ABLIM1: variants seen among roughly 807,000 people sequenced by gnomAD.
The protein encoded by ABLIM1 is actin-binding LIM protein 1.
In ABLIM1, 40 loss-of-function variants were observed where a neutral mutation model predicts 107.0. The observed-to-expected ratio is 0.37, with a 90% CI of 0.29 to 0.49. The LOEUF (loss-of-function observed/expected upper bound fraction) is 0.49, where lower values mean the gene tolerates loss of function less well. Ranked by LOEUF, ABLIM1 falls within the 20% of genes least tolerant of loss-of-function variation. The pLI is 0.97. For synonymous variants in ABLIM1, 357 were observed against 357.3 expected (o/e 1.00, Z 0.01); for missense variants, 857 against 1,008.5 (o/e 0.85, Z 2.04).
intron 1 of ABLIM1, among the ~76,000 whole-genome samples, chr10:114,614,447 TA>T (rs773226279): frequency 6.6e-6 from 1 of 152,046 alleles, no homozygotes; most frequent in Non-Finnish European, 1.5e-5. Context: ...TCCTCCCCAC[TA>T]AAGTATTAGA....
chr10:114,671,655 A>G (rs1275345228), intron 1 of ABLIM1, among the ~76,000 whole-genome samples: 1 of 152,194 alleles, frequency 6.6e-6, no homozygotes, highest in Non-Finnish European at 1.5e-5. Context: ...AATTTTACCC[A>G]TGCTGATAGA....
intron 12 of ABLIM1, chr10:114,462,931 C>T (rs1291868023): frequency 1.7e-6 from 2 of 1,170,734 alleles, no homozygotes; most frequent in African/African-American, 3.2e-5. Context: ...CGCAGGCATG[C>T]TGAGAGCTCA....
At chr10:114,517,447 A>G (rs546143243) in intron 6 of ABLIM1, among the ~76,000 whole-genome samples, 23 of 152,212 alleles carry the variant, frequency 1.5e-4, no homozygotes, top group Middle Eastern at 3.4e-3. Context: ...GAGCCCCCAG[A>G]AGAACCCCCA....
chr10:114,711,464 C>T lies in ABLIM1; in HGVS notation c.-213+56597G>A, dbSNP rs1398014222. On this transcript the variant is annotated intron_variant, in intron 1 of 15. Coordinates refer to the ABLIM1 transcript ENST00000651092. ...ATGATAGACCCAAATCTCACAGTCA[C>T]AGACACCACTCTAACACCAGGCGTG... Among the ~76,000 whole-genome samples the T allele has an allele frequency of 2.6e-5, 4 of 152,218 alleles. No homozygotes were observed. In the East Asian group the frequency reaches 5.8e-4, roughly 22 times the overall value.
intron 6 of ABLIM1, among the ~76,000 whole-genome samples, chr10:114,518,036 T>C (rs575454101): frequency 3.9e-5 from 6 of 152,240 alleles, no homozygotes; most frequent in South Asian, 4.2e-4. Context: ...TATGTGGTCA[T>C]TAAAAAGAAT....
chr10:114,637,035 TA>T (rs3061732), intron 1 of ABLIM1, among the ~76,000 whole-genome samples: 44,146 of 103,508 alleles, frequency 0.43, 9,030 homozygotes, highest in Non-Finnish European at 0.47. Flanking sequence ...GCTGTCTCTT[TA>T]AAAAAAAAAA....
At chr10:114,700,101 T>C (rs950044752) in intron 1 of ABLIM1, among the ~76,000 whole-genome samples, 1 of 152,182 alleles carries the variant, frequency 6.6e-6, no homozygotes, top group Non-Finnish European at 1.5e-5. Flanking sequence ...ATCCAACCTG[T>C]GACTCTACTC....
intron 6 of ABLIM1, among the ~76,000 whole-genome samples, chr10:114,508,001 G>A (rs180920447): frequency 1.7e-4 from 26 of 152,348 alleles, no homozygotes; most frequent in Admixed American, 9.1e-4. Flanking sequence ...CCCAGCCAAA[G>A]CAGCTGCTCT....
intron 4 of ABLIM1, among the ~76,000 whole-genome samples, chr10:114,551,469 A>G (rs2068053639): frequency 6.6e-6 from 1 of 152,150 alleles, no homozygotes; most frequent in Non-Finnish European, 1.5e-5. Flanking sequence ...AAGCGGAGTT[A>G]CACTCTATAC....
chr10:114,657,105 A>G (rs2079560054), intron 1 of ABLIM1, among the ~76,000 whole-genome samples: 7 of 152,270 alleles, frequency 4.6e-5, no homozygotes, highest in Admixed American at 4.6e-4. Flanking sequence ...TGATTGCAAC[A>G]AAACAGAACA....
intron 10 of ABLIM1, among the ~76,000 whole-genome samples, chr10:114,470,010 T>G (rs1350755786): frequency 6.6e-6 from 1 of 152,172 alleles, no homozygotes; most frequent in African/African-American, 2.4e-5. Context: ...GGGTCTCAGC[T>G]GGGTGAAGGC....
chr10:114,531,881 C>T (rs946913273), intron 6 of ABLIM1, among the ~76,000 whole-genome samples: 1 of 152,146 alleles, frequency 6.6e-6, no homozygotes, highest in Non-Finnish European at 1.5e-5. Context: ...GTGGTGCCAT[C>T]TCAGCTCACT....
At chr10:114,511,665 C>T (rs2061896554) in intron 6 of ABLIM1, among the ~76,000 whole-genome samples, 1 of 151,788 alleles carries the variant, frequency 6.6e-6, no homozygotes, top group South Asian at 2.1e-4. Flanking sequence ...ACACCTGGCC[C>T]CTTCTCATGT....
intron 1 of ABLIM1, among the ~76,000 whole-genome samples, chr10:114,724,703 G>A (rs540286689): frequency 1.3e-5 from 2 of 152,270 alleles, no homozygotes; most frequent in African/African-American, 2.4e-5. Context: ...TTCCTCTCAC[G>A]AGAACAGCAG....
intron 1 of ABLIM1, among the ~76,000 whole-genome samples, chr10:114,695,951 C>A (rs764384307): frequency 2.0e-5 from 3 of 152,202 alleles, no homozygotes; most frequent in Non-Finnish European, 2.9e-5. Context: ...CCACACATCT[C>A]AGCTAGCATC....
At chr10:114,591,229 A>G (rs530528515) in intron 2 of ABLIM1, among the ~76,000 whole-genome samples, 5 of 152,292 alleles carry the variant, frequency 3.3e-5, no homozygotes, top group Non-Finnish European at 7.4e-5. Flanking sequence ...CAAGCATGCC[A>G]TCAGGATGGG....
intron 7 of ABLIM1, among the ~76,000 whole-genome samples, chr10:114,489,144 A>C (rs559752906): frequency 8.0e-4 from 122 of 152,178 alleles, no homozygotes; most frequent in African/African-American, 2.9e-3. Flanking sequence ...CAGCCTCCCA[A>C]GTAGCTGGGG....
chr10:114,552,991 C>T (rs987408438), intron 4 of ABLIM1, among the ~76,000 whole-genome samples: 1 of 152,192 alleles, frequency 6.6e-6, no homozygotes, highest in Non-Finnish European at 1.5e-5. Context: ...ATAAAGACCA[C>T]TGTTAGGGGA....
intron 1 of ABLIM1, among the ~76,000 whole-genome samples, chr10:114,745,665 T>C (rs976130171): frequency 1.2e-4 from 18 of 151,592 alleles, no homozygotes; most frequent in African/African-American, 3.9e-4. Flanking sequence ...AGGTCAGGAG[T>C]TCAAGACCAG....
Sources: allele counts gnomAD v4.1 joint callset (sites outside exome capture counted in the v4.1 genomes callset), GRCh38; gene constraint gnomAD v4.1.1; transcripts MANE v1.5; gene names NCBI Gene and HGNC (gene_info 2026-07-23, HGNC 2026-07-21).